Variants in AXDND1 observed in about 807,000 individuals in gnomAD.
AXDND1 encodes axonemal dynein light chain domain-containing protein 1.
Under a neutral mutation model 137.5 loss-of-function variants are expected in AXDND1, and 110 were observed. The ratio of observed to expected loss-of-function variants is 0.80; its 90% confidence interval spans 0.69 to 0.94. The LOEUF is 0.94. Ranked by LOEUF, AXDND1 falls within the 40% of genes least tolerant of loss-of-function variation. The pLI, the probability that AXDND1 is intolerant of heterozygous loss-of-function variation, is 0.00. For missense variants in AXDND1, 1,191 were observed against 1,169.8 expected (o/e 1.02, Z -0.26); for synonymous variants, 414 against 399.7 (o/e 1.04, Z -0.43).
chr1:179,473,883 C>T (rs1262535752), intron 17 of AXDND1, among the ~76,000 whole-genome samples: 2 of 152,146 alleles, frequency 1.3e-5, no homozygotes, highest in East Asian at 1.9e-4. Context: ...GAGGCCTCCT[C>T]AGCCATGTGG....
intron 21 of AXDND1, 36 bp downstream of exon 21, chr1:179,509,439 A>G (rs1668822644): frequency 1.5e-6 from 2 of 1,322,116 alleles, no homozygotes; most frequent in Non-Finnish European, 1.1e-6. Flanking sequence ...CATTATTCAG[A>G]TTATTCCTGT....
chr1:179,424,094 G>T (rs1342374318), intron 12 of AXDND1, among the ~76,000 whole-genome samples: 1 of 152,022 alleles, frequency 6.6e-6, no homozygotes, highest in Non-Finnish European at 1.5e-5. Context: ...CATATTTAAA[G>T]AACAACTTTG....
At chr1:179,510,520 C>T (rs1283215718) in intron 21 of AXDND1, among the ~76,000 whole-genome samples, 3 of 152,046 alleles carry the variant, frequency 2.0e-5, no homozygotes, top group African/African-American at 7.2e-5. Flanking sequence ...AATGTGCTGT[C>T]TAGATCTTGG....
At chr1:179,474,960 G>C (rs771827395) in intron 17 of AXDND1, among the ~76,000 whole-genome samples, 16 of 152,218 alleles carry the variant, frequency 1.1e-4, no homozygotes, top group Non-Finnish European at 1.8e-4. Flanking sequence ...GGGACATGGC[G>C]TCCTGTGTCC....
At chr1:179,515,909 C>A (rs531072720) in intron 21 of AXDND1, among the ~76,000 whole-genome samples, 68 of 152,156 alleles carry the variant, frequency 4.5e-4, no homozygotes, top group Admixed American at 1.6e-3. Context: ...TTTTACTATA[C>A]CTTTTCTATG....
rs1283909535 is a variant in AXDND1, at chr1:179,534,896, GAAGAAGAACAAC to G, written c.2974_2985del (p.Gln992_Glu995del). 1 of 1,608,410 alleles carries G rather than the reference GAAGAAGAACAAC, an allele frequency of 6.2e-7. No homozygotes were observed. Among genetic ancestry groups the G allele is most frequent in the Admixed American group, 1.7e-5 (1 of 59,044 alleles). ...TCAAGATGAAAGAGAAGTAAAAGAA[GAAGAAGAACAAC>G]AAGAAGAAGAAGAAGTCAGGTCAGC... On this transcript the variant is annotated inframe_deletion, in exon 25 of 26. Transcript: ENST00000367618.
At chr1:179,382,658 A>C (rs1229846051) in intron 6 of AXDND1, 42 bp from the exon 7 acceptor site, 1 of 1,488,314 alleles carries the variant, frequency 6.7e-7, no homozygotes, top group Admixed American at 1.7e-5. Context: ...ACAGGCCAGA[A>C]AATTTTCTTA....
At chr1:179,374,973 A>G (rs1448697696) in intron 4 of AXDND1, among the ~76,000 whole-genome samples, 1 of 150,448 alleles carries the variant, frequency 6.6e-6, no homozygotes, top group East Asian at 2.1e-4. Context: ...AACTTAAAGT[A>G]TAATTTAAAA....
At chr1:179,528,049 T>G (rs961514284) in intron 22 of AXDND1, among the ~76,000 whole-genome samples, 1 of 152,228 alleles carries the variant, frequency 6.6e-6, no homozygotes, top group Non-Finnish European at 1.5e-5. Flanking sequence ...ATTATTCATT[T>G]TATTATCTAT....
intron 5 of AXDND1, 141 bp from the exon 6 acceptor site, chr1:179,379,256 G>A: frequency 1.2e-6 from 1 of 803,650 alleles, no homozygotes; most frequent in South Asian, 1.7e-5. Context: ...GACCCACATT[G>A]CTAATATTGT....
intron 21 of AXDND1, among the ~76,000 whole-genome samples, chr1:179,517,563 A>C (rs1178261726): frequency 6.6e-6 from 1 of 152,148 alleles, no homozygotes; most frequent in African/African-American, 2.4e-5. Flanking sequence ...CTCCCGAAGG[A>C]TCCCTGTGGT....
rs983087703 is a variant in AXDND1 at position 179,382,751 on chromosome 1, A to G, written c.633A>G (p.Pro211=). ...TDSENRLLLF[P]SMKPNKRVEV... is the part of the protein sequence containing the mutation. Reference sequence around the variant, plus strand: ...GTGAAAACAGGCTATTGCTCTTCCCATCCATGTAAGTACAGTTTATTTTCT... The same window carrying G: ...GTGAAAACAGGCTATTGCTCTTCCCGTCCATGTAAGTACAGTTTATTTTCT... Residue 211 remains proline, a synonymous_variant, in exon 7 of 26, where the codon CCA becomes CCG. Transcript: ENST00000367618. 2 of 1,591,546 alleles carry G rather than the reference A, an allele frequency of 1.3e-6. No individual in the cohort carries two copies. The highest frequency in any genetic ancestry group is 1.7e-6 in the Non-Finnish European group (2 of 1,160,146).
At position 179,382,755 on chromosome 1, in the gene AXDND1, A is replaced by G. The variant is rs1483425655; in HGVS notation, c.637A>G (p.Met213Val). The change falls in exon 7 of 26, where the codon ATG becomes GTG. Residue 213 changes from methionine to valine, a missense_variant and splice_region_variant. Transcript: ENST00000367618. ...AAACAGGCTATTGCTCTTCCCATCC[A>G]TGTAAGTACAGTTTATTTTCTAAAG... Reference protein sequence around the residue: ...SENRLLLFPSMKPNKRVEVAQ... With the variant: ...SENRLLLFPSVKPNKRVEVAQ... 4 of 1,585,790 alleles carry G rather than the reference A, an allele frequency of 2.5e-6. No individual in the cohort carries two copies. Among genetic ancestry groups the G allele is most frequent in the Non-Finnish European group, 3.5e-6 (4 of 1,155,034 alleles).
intron 15 of AXDND1, among the ~76,000 whole-genome samples, chr1:179,442,930 G>A (rs556708308): frequency 2.6e-5 from 4 of 152,292 alleles, no homozygotes; most frequent in African/African-American, 4.8e-5. Context: ...TGCCTCTGGT[G>A]CACAAGGGCC....
At chr1:179,487,071 C>T (rs1003339522) in intron 18 of AXDND1, among the ~76,000 whole-genome samples, 1 of 148,670 alleles carries the variant, frequency 6.7e-6, no homozygotes, top group Non-Finnish European at 1.5e-5. Context: ...CTTCAAGAGA[C>T]CTGTCTCACA....
intron 11 of AXDND1, 28 bp downstream of exon 11, chr1:179,395,230 A>C: frequency 6.4e-7 from 1 of 1,569,754 alleles, no homozygotes; most frequent in Non-Finnish European, 8.7e-7. Context: ...TGTTTAGCTT[A>C]CATAGGGGAA....
At chr1:179,422,261 TAACAA>T (rs58716972) in intron 12 of AXDND1, among the ~76,000 whole-genome samples, 97,254 of 151,510 alleles carry the variant, frequency 0.64, 31,585 homozygotes, top group Middle Eastern at 0.7. Context: ...ATATAATTTA[TAACAA>T]TAAATTATAA....
chr1:179,547,229 A>T (rs1420876067), intron 25 of AXDND1, among the ~76,000 whole-genome samples: 2 of 152,214 alleles, frequency 1.3e-5, no homozygotes. Context: ...GCAAAACTGC[A>T]GTGCTTGCTA....
At chr1:179,447,566 A>C (rs941105166) in intron 16 of AXDND1, 1 of 926,346 alleles carries the variant, frequency 1.1e-6, no homozygotes, top group African/African-American at 1.7e-5. Context: ...ACATGTTTTA[A>C]AGAATGAAGT....
Sources: gnomAD v4.1 joint callset for allele counts (sites outside exome capture counted in the v4.1 genomes callset) on GRCh38, gnomAD v4.1.1 for gene constraint, MANE v1.5 for transcripts, NCBI Gene and HGNC (gene_info 2026-07-23, HGNC 2026-07-21) for gene names.